CDKAL1: variants seen among roughly 807,000 people sequenced by gnomAD.
CDKAL1 encodes threonylcarbamoyladenosine tRNA methylthiotransferase.
Under a neutral mutation model 68.2 loss-of-function variants are expected in CDKAL1, and 32 were observed. That is an observed-to-expected ratio of 0.47 (90% CI 0.35 to 0.63). The LOEUF is 0.63. Ranked by LOEUF, CDKAL1 falls within the 30% of genes least tolerant of loss-of-function variation. The pLI is 0.00. For missense variants in CDKAL1, 606 were observed against 696.7 expected (o/e 0.87, Z 1.47); for synonymous variants, 234 against 244.3 (o/e 0.96, Z 0.39).
chr6:20,578,536 C>T (rs1311508317), intron 4 of CDKAL1, among the ~76,000 whole-genome samples: 7 of 152,194 alleles, frequency 4.6e-5, no homozygotes, highest in Non-Finnish European at 8.8e-5. Flanking sequence ...AATGTGTATA[C>T]TAGCAATCAA....
chr6:20,882,484 G>C (rs953344896), intron 9 of CDKAL1, among the ~76,000 whole-genome samples: 2 of 152,046 alleles, frequency 1.3e-5, no homozygotes, highest in African/African-American at 4.8e-5. Context: ...TCTTTTGTTA[G>C]TCTAATTTAC....
intron 5 of CDKAL1, among the ~76,000 whole-genome samples, chr6:20,694,838 T>C (rs1172576122): frequency 6.6e-6 from 1 of 152,160 alleles, no homozygotes; most frequent in Non-Finnish European, 1.5e-5. Context: ...CTCCCTACAG[T>C]CCTCACAGTA....
rs190511339 is a variant in CDKAL1 at position 20,578,430 on chromosome 6, A to G, written c.286+29725A>G. Among the ~76,000 whole-genome samples, 6 of 152,196 alleles carry G rather than the reference A, an allele frequency of 3.9e-5. No homozygotes were observed. In the East Asian group the frequency reaches 1.2e-3, roughly 29 times the overall value. ...GGAGTCATATGAATGGACTCATAGT[A>G]TGTACTTTTATGTCTGGCTTCTTTT... On this transcript the variant is annotated intron_variant, in intron 4 of 15. Transcript: ENST00000274695.
intron 11 of CDKAL1, among the ~76,000 whole-genome samples, chr6:21,020,342 G>T (rs1013333492): frequency 2.6e-5 from 4 of 152,152 alleles, no homozygotes; most frequent in Non-Finnish European, 5.9e-5. Flanking sequence ...AGAAATATAT[G>T]TTGGTTATAT....
At chr6:20,598,285 C>G (rs1765928242) in intron 4 of CDKAL1, among the ~76,000 whole-genome samples, 1 of 152,116 alleles carries the variant, frequency 6.6e-6, no homozygotes, top group South Asian at 2.1e-4. Context: ...AATTTGGAGT[C>G]TAGGGAAAGC....
intron 8 of CDKAL1, among the ~76,000 whole-genome samples, chr6:20,828,337 T>G (rs1404404525): frequency 6.6e-6 from 1 of 152,108 alleles, no homozygotes; most frequent in Non-Finnish European, 1.5e-5. Context: ...CAATCAATTC[T>G]TGTGCCTCAG....
intron 12 of CDKAL1, among the ~76,000 whole-genome samples, chr6:21,087,416 C>T (rs1474787988): frequency 6.6e-6 from 1 of 152,154 alleles, no homozygotes; most frequent in Non-Finnish European, 1.5e-5. Flanking sequence ...CCTGCAGCCT[C>T]AAACTTGGGC....
chr6:21,072,496 A>G (rs925523504), intron 12 of CDKAL1, among the ~76,000 whole-genome samples: 1 of 137,488 alleles, frequency 7.3e-6, no homozygotes, highest in Admixed American at 8.1e-5. Context: ...CGGAGCTTGC[A>G]GTGAGCCAAG....
chr6:21,079,751 A>G (rs887876043), intron 12 of CDKAL1, among the ~76,000 whole-genome samples: 6 of 152,190 alleles, frequency 3.9e-5, no homozygotes, highest in Admixed American at 6.5e-5. Context: ...TCATGAGATT[A>G]CTTCCTGGAC....
At chr6:20,537,528 C>A (rs1763221750) in intron 2 of CDKAL1, among the ~76,000 whole-genome samples, 1 of 151,734 alleles carries the variant, frequency 6.6e-6, no homozygotes, top group East Asian at 1.9e-4. Flanking sequence ...ATTGCTTGAA[C>A]CCAGGAGGCA....
intron 4 of CDKAL1, among the ~76,000 whole-genome samples, chr6:20,638,822 C>T (rs955885169): frequency 3.3e-5 from 5 of 152,006 alleles, no homozygotes; most frequent in Non-Finnish European, 7.4e-5. Context: ...TTAGTAGAGA[C>T]GGGGTTTCAC....
chr6:21,092,666 A>G (rs1050801821), intron 12 of CDKAL1, among the ~76,000 whole-genome samples: 2 of 152,072 alleles, frequency 1.3e-5, no homozygotes, highest in African/African-American at 4.8e-5. Context: ...AGCAAACAGA[A>G]TAGGAATGGA....
intron 5 of CDKAL1, among the ~76,000 whole-genome samples, chr6:20,694,792 G>A (rs1771039996): frequency 6.6e-6 from 1 of 152,184 alleles, no homozygotes; most frequent in Non-Finnish European, 1.5e-5. Context: ...TGTTGGAGGA[G>A]GGGCCAAATG....
chr6:20,693,621 A>G lies in CDKAL1; in HGVS notation c.371+44244A>G, dbSNP rs552908185. Among the ~76,000 whole-genome samples the G allele has an allele frequency of 2.6e-5, 4 of 152,358 alleles. No individual in the cohort carries two copies. The South Asian group carries it at 8.3e-4, about 32-fold the overall frequency. On this transcript the variant is annotated intron_variant, in intron 5 of 15. Transcript: ENST00000274695. ...ATATACTTTATATTAGCCAATGCCT[A>G]GCACTGCACACAGCAGCAGCCTTGC...
At chr6:20,909,996 C>T (rs945173547) in intron 9 of CDKAL1, among the ~76,000 whole-genome samples, 5 of 152,190 alleles carry the variant, frequency 3.3e-5, no homozygotes, top group African/African-American at 1.2e-4. Flanking sequence ...AGTCATTTCT[C>T]CTACATTCTC....
intron 11 of CDKAL1, among the ~76,000 whole-genome samples, chr6:21,046,809 C>T (rs1770259450): frequency 6.6e-6 from 1 of 152,224 alleles, no homozygotes; most frequent in Non-Finnish European, 1.5e-5. Flanking sequence ...TTGTCGAGAA[C>T]ATATCATCCA....
At chr6:21,049,299 A>T (rs2150908327) in intron 11 of CDKAL1, among the ~76,000 whole-genome samples, 1 of 152,332 alleles carries the variant, frequency 6.6e-6, no homozygotes, top group South Asian at 2.1e-4. Flanking sequence ...GAATGTTAGA[A>T]ATGTTTCATT....
intron 12 of CDKAL1, among the ~76,000 whole-genome samples, chr6:21,093,995 G>A (rs1323521605): frequency 6.7e-6 from 1 of 148,994 alleles, no homozygotes; most frequent in Non-Finnish European, 1.5e-5. Context: ...GCCTACCAAA[G>A]TGCTGGGACT....
intron 5 of CDKAL1, among the ~76,000 whole-genome samples, chr6:20,736,460 A>AATC (rs1182962552): frequency 2.0e-5 from 3 of 152,072 alleles, no homozygotes; most frequent in Non-Finnish European, 2.9e-5. Flanking sequence ...CCATTTCTGT[A>AATC]ATCATCATCA....
Sources: allele counts gnomAD v4.1 joint callset (sites outside exome capture counted in the v4.1 genomes callset), GRCh38; gene constraint gnomAD v4.1.1; transcripts MANE v1.5; gene names NCBI Gene and HGNC (gene_info 2026-07-23, HGNC 2026-07-21).